The following ZNF527 variants were observed in gnomAD, a reference collection of about 807,000 sequenced individuals.
ZNF527 encodes zinc finger protein 527.
A neutral mutation model predicts 13.5 loss-of-function variants in ZNF527; 5 were observed. That is an observed-to-expected ratio of 0.37 (90% confidence interval 0.19 to 0.78). The LOEUF is 0.78. Among genes scored for constraint, ZNF527 ranks in the 30% least tolerant of loss-of-function variants. The pLI, the probability that ZNF527 is intolerant of heterozygous loss-of-function variation, is 0.48. For synonymous variants in ZNF527, 209 were observed against 243.1 expected (o/e 0.86, Z 1.30); for missense variants, 628 against 726.4 (o/e 0.86, Z 1.56).
Position 37,391,514 on chromosome 19 carries a change from A to G in ZNF527, c.*1635A>G, listed in dbSNP as rs2040752298. On this transcript the variant is annotated 3_prime_UTR_variant, in exon 5 of 5. Transcript: ENST00000436120. ...AACCTGGGAAGTGGAGGTTACAGTG[A>G]GCGAAGATCGCGCCATTGTACTCCA... 6.6e-6 allele frequency: 1 copy of G among 151,854 alleles called. No individual in the cohort carries two copies. The highest frequency in any genetic ancestry group is 2.4e-5 in the African/African-American group (1 of 41,352). 9.4% of individuals were successfully genotyped at this position (151,854 alleles called of 1,614,324 possible).
chr19:37,379,874 G>A (rs1467109609), intron 3 of ZNF527, among the ~76,000 whole-genome samples: 2 of 152,190 alleles, frequency 1.3e-5, no homozygotes, highest in African/African-American at 4.8e-5. Context: ...CAAATTATGA[G>A]GCCCCATTCT....
chr19:37,390,034 C>CTTTT lies in ZNF527; in HGVS notation c.*164_*167dup, dbSNP rs33996770. The stretch of plus-strand genomic sequence containing the variant: ...GTAGCTCAGTAGTAGACATCTGTTA[C>CTTTT]TTTTTTTTTTTTCAGACAGAGTCTC... On this transcript the variant is annotated 3_prime_UTR_variant, in exon 5 of 5. Coordinates refer to ENST00000436120, the MANE Select transcript of ZNF527 (RefSeq NM_032453.2). 3.8e-4 allele frequency: 289 copies of CTTTT among 752,776 alleles called. No homozygotes were observed. Among genetic ancestry groups the CTTTT allele is most frequent in the South Asian group, 1.9e-3 (74 of 39,898 alleles). The allele number at this position is 752,776 out of a possible 1,614,324, so 46.6% of individuals were successfully genotyped here. A position where few individuals can be genotyped will look rare whatever the true frequency, so the allele number is the denominator to read the frequency against.
intron 4 of ZNF527, 29 bp downstream of exon 4, chr19:37,380,401 A>C (rs749695152): frequency 2.5e-6 from 4 of 1,599,056 alleles, no homozygotes; most frequent in Non-Finnish European, 3.4e-6. Context: ...GGCAGGGAGG[A>C]CTATTGTAAG....
At position 37,380,332 on chromosome 19, in the gene ZNF527, G is replaced by A. The variant is rs549063813; in HGVS notation, c.216G>A (p.Pro72=). 136 of 1,614,044 alleles carry A rather than the reference G, an allele frequency of 8.4e-5. 2 individuals are homozygous for A. In the East Asian group the frequency reaches 2.5e-3, roughly 30 times the overall value. Residue 72 remains proline, a synonymous_variant, in exon 4 of 5, where the codon CCG becomes CCA. Transcript: ENST00000436120. ...MISLLEQGKE[P]WMVERKMSQG... is the part of the protein sequence containing the mutation. ...CCTTACTGGAGCAAGGGAAGGAACCGTGGATGGTGGAGAGAAAGATGTCAC... is the reference window on the plus strand; with the variant it reads ...CCTTACTGGAGCAAGGGAAGGAACCATGGATGGTGGAGAGAAAGATGTCAC...
intron 4 of ZNF527, among the ~76,000 whole-genome samples, chr19:37,386,078 G>A (rs560552020): frequency 7.0e-5 from 10 of 142,910 alleles, no homozygotes; most frequent in Admixed American, 3.5e-4. Flanking sequence ...TAAGATCTTT[G>A]TTGTATTAAT....
chr19:37,389,897 A>C lies in ZNF527; in HGVS notation c.*18A>C. ...CGCTCTGATTATAACAAGTATAGGA[A>C]AGAAAACATGTGGTTACCACTCAAT... On this transcript the variant is annotated 3_prime_UTR_variant, in exon 5 of 5. Coordinates refer to ENST00000436120, the MANE Select transcript of ZNF527 (RefSeq NM_032453.2). The C allele has an allele frequency of 6.5e-7, 1 of 1,545,742 alleles. No individual in the cohort carries two copies. Among genetic ancestry groups the C allele is most frequent in the Non-Finnish European group, 8.7e-7 (1 of 1,153,968 alleles).
intron 2 of ZNF527, among the ~76,000 whole-genome samples, chr19:37,375,104 A>G (rs1199384989): frequency 2.0e-5 from 3 of 152,194 alleles, no homozygotes; most frequent in Non-Finnish European, 2.9e-5. Context: ...ACTGAGCTGG[A>G]AAGACAATGT....
chr19:37,389,474 T>A lies in ZNF527; in HGVS notation c.1425T>A (p.Cys475Ter). 6.2e-7 allele frequency: 1 copy of A among 1,614,014 alleles called. No individual in the cohort carries two copies. Among genetic ancestry groups the A allele is most frequent in the Non-Finnish European group, 8.5e-7 (1 of 1,179,982 alleles). Residue 475 changes from cysteine to a stop codon, truncating the protein, a stop_gained, in exon 5 of 5, where the codon TGT becomes TGA. Transcript: ENST00000436120. LOFTEE classifies it low-confidence loss of function (END_TRUNC). ...AAAAGCCCTATGAATGCATCAAATG[T>A]GGGAAGTTTTTTAGGACTGACTCAC... ...TGEKPYECIK[C>*]GKFFRTDSQL...
At chr19:37,375,283 TTTC>T (rs1445100681) in intron 2 of ZNF527, among the ~76,000 whole-genome samples, 14 of 130,356 alleles carry the variant, frequency 1.1e-4, no homozygotes, top group East Asian at 2.2e-4. Flanking sequence ...TCTTTCTTTC[TTTC>T]TTTCTTTCTT....
At chr19:37,377,930 T>C (rs557391476) in intron 2 of ZNF527, among the ~76,000 whole-genome samples, 2 of 152,274 alleles carry the variant, frequency 1.3e-5, no homozygotes, top group East Asian at 3.9e-4. Context: ...GAGGAGCACA[T>C]GGAAGTTATA....
At chr19:37,378,995 A>G in intron 2 of ZNF527, 125 bp from the exon 3 acceptor site, 1 of 1,028,888 alleles carries the variant, frequency 9.7e-7, no homozygotes. Context: ...CTCAGCATGT[A>G]ATTGTTCTCC....
chr19:37,380,552 C>A (rs1232252582), intron 4 of ZNF527, among the ~76,000 whole-genome samples, 180 bp downstream of exon 4: 1 of 152,152 alleles, frequency 6.6e-6, no homozygotes, highest in Non-Finnish European at 1.5e-5. Flanking sequence ...TTATACTCTC[C>A]GGTCTTCCAC....
At chr19:37,380,111 C>T (rs2040641112) in intron 3 of ZNF527, 166 bp from the exon 4 acceptor site, 1 of 1,310,372 alleles carries the variant, frequency 7.6e-7, no homozygotes. Flanking sequence ...TCATCCTCCT[C>T]CTCATCCATA....
chr19:37,384,489 C>A (rs2146818090), intron 4 of ZNF527, among the ~76,000 whole-genome samples: 1 of 150,920 alleles, frequency 6.6e-6, no homozygotes, highest in Non-Finnish European at 1.5e-5. Context: ...GGTGACAGAG[C>A]AAGACCCTGT....
chr19:37,388,804 C>T lies in ZNF527; in HGVS notation c.755C>T (p.Ser252Leu), dbSNP rs201483871. 1.2e-6 allele frequency: 2 copies of T among 1,612,098 alleles called. No individual in the cohort carries two copies. The highest frequency in any genetic ancestry group is 4.5e-5 in the East Asian group (2 of 44,866). ...AAACCTTATGAAAGTCATGATTTTT[C>T]AAAGCTCTTAAGTTTCCACTCATTA... ...GEKPYESHDF[S>L]KLLSFHSLFT... The change falls in exon 5 of 5, where the codon TCA becomes TTA. Residue 252 changes from serine to leucine, a missense_variant. Ser to Leu is a moderately radical substitution (Grantham distance 145). This residue lies in a region of ZNF527 where 592 missense variants were observed against 678.0 expected (regional missense o/e 0.87). Coordinates refer to ENST00000436120, the MANE Select transcript of ZNF527 (RefSeq NM_032453.2).
At chr19:37,380,536 A>G (rs915922414) in intron 4 of ZNF527, among the ~76,000 whole-genome samples, 164 bp downstream of exon 4, 3 of 152,090 alleles carry the variant, frequency 2.0e-5, no homozygotes, top group Admixed American at 1.3e-4. Context: ...TTTTCTTTCC[A>G]TCAAATTATA....
chr19:37,386,949 G>A (rs2040704999), intron 4 of ZNF527, among the ~76,000 whole-genome samples: 1 of 148,676 alleles, frequency 6.7e-6, no homozygotes, highest in Admixed American at 6.8e-5. Context: ...ACAAAGGACA[G>A]GCGAACAAGG....
Sources: gnomAD v4.1 joint callset for allele counts (sites outside exome capture counted in the v4.1 genomes callset) on GRCh38, gnomAD v4.1.1 for gene constraint, gnomAD v4.1.1 regional missense constraint, MANE v1.5 for transcripts, NCBI Gene and HGNC (gene_info 2026-07-23, HGNC 2026-07-21) for gene names.